NRXN3: variants seen among roughly 807,000 people sequenced by gnomAD.
NRXN3 encodes neurexin 3, also known as neurexin III.
In NRXN3, 32 loss-of-function variants were observed where a neutral mutation model predicts 137.6. The ratio of observed to expected loss-of-function variants is 0.23; its 90% CI spans 0.18 to 0.31. The LOEUF (loss-of-function observed/expected upper bound fraction) is 0.31. NRXN3 is among the 10% of genes least tolerant of loss of function. The pLI is 1.00. For synonymous variants in NRXN3, 798 were observed against 784.5 expected (o/e 1.02, Z -0.29); for missense variants, 1,574 against 2,062.5 (o/e 0.76, Z 4.59).
intron 15 of NRXN3, among the ~76,000 whole-genome samples, chr14:79,114,287 G>A (rs989201308): frequency 3.9e-5 from 6 of 152,106 alleles, no homozygotes; most frequent in South Asian, 2.1e-4. Context: ...AGTATTATTC[G>A]TCTCAATATG....
At chr14:78,431,157 T>C (rs939542682) in intron 4 of NRXN3, among the ~76,000 whole-genome samples, 1 of 152,238 alleles carries the variant, frequency 6.6e-6, no homozygotes, top group Non-Finnish European at 1.5e-5. Context: ...GCAGCCTGTG[T>C]ATTTCCCCTA....
chr14:78,717,614 T>C (rs2098440148), intron 8 of NRXN3, among the ~76,000 whole-genome samples: 1 of 152,160 alleles, frequency 6.6e-6, no homozygotes, highest in Non-Finnish European at 1.5e-5. Context: ...ACATTGTTTT[T>C]CTTTATGGAA....
intron 19 of NRXN3, among the ~76,000 whole-genome samples, chr14:79,717,399 A>C (rs937981555): frequency 3.3e-5 from 5 of 152,194 alleles, no homozygotes; most frequent in Admixed American, 3.3e-4. Context: ...AATTCTTTCA[A>C]ACTTCCTTGT....
intron 15 of NRXN3, among the ~76,000 whole-genome samples, chr14:79,141,352 C>A (rs1392987582): frequency 7.2e-5 from 11 of 152,176 alleles, no homozygotes; most frequent in Non-Finnish European, 1.5e-5. Context: ...ATCTATCATC[C>A]TTAATGTCAC....
At chr14:78,220,931 G>A (rs1252903050) in intron 1 of NRXN3, among the ~76,000 whole-genome samples, 1 of 152,110 alleles carries the variant, frequency 6.6e-6, no homozygotes, top group East Asian at 1.9e-4. Context: ...AAGGGGAAAA[G>A]GGTTTAGAAG....
intron 16 of NRXN3, among the ~76,000 whole-genome samples, chr14:79,556,121 AG>A (rs1396786115): frequency 1.3e-5 from 2 of 152,128 alleles, no homozygotes; most frequent in African/African-American, 2.4e-5. Flanking sequence ...CAAGGAGGAG[AG>A]GAAAATGCAT....
chr14:79,648,442 T>G (rs1483875473), intron 16 of NRXN3, among the ~76,000 whole-genome samples: 1 of 135,568 alleles, frequency 7.4e-6, no homozygotes, highest in Non-Finnish European at 1.7e-5. Flanking sequence ...TGTTGAAAAC[T>G]AATTCACATA....
intron 15 of NRXN3, among the ~76,000 whole-genome samples, chr14:79,346,237 T>C (rs1313168592): frequency 1.3e-5 from 2 of 152,060 alleles, no homozygotes; most frequent in Non-Finnish European, 2.9e-5. Context: ...CTGACCAACA[T>C]AGTGAAACCC....
chr14:79,058,631 A>G (rs904095361), intron 15 of NRXN3, among the ~76,000 whole-genome samples: 15 of 152,258 alleles, frequency 9.9e-5, no homozygotes, highest in African/African-American at 3.6e-4. Flanking sequence ...TGCTGTTGTC[A>G]TAACTGTCAT....
chr14:79,749,449 T>C (rs2098990326), intron 19 of NRXN3, among the ~76,000 whole-genome samples: 4 of 148,574 alleles, frequency 2.7e-5, no homozygotes, highest in Admixed American at 1.3e-4. Flanking sequence ...TTTTTTTTTG[T>C]AGTGACAGGG....
intron 15 of NRXN3, among the ~76,000 whole-genome samples, chr14:79,011,097 G>A (rs970524857): frequency 1.3e-5 from 2 of 151,988 alleles, no homozygotes; most frequent in Non-Finnish European, 2.9e-5. Context: ...CTCTATTTAC[G>A]TAGAGGTCTC....
chr14:79,401,458 T>G (rs561670794), intron 15 of NRXN3, among the ~76,000 whole-genome samples: 86 of 152,280 alleles, frequency 5.6e-4, no homozygotes, highest in Non-Finnish European at 1.0e-3. Flanking sequence ...GGGCCTGTAA[T>G]CTGTGTTTTA....
chr14:78,378,918 T>A (rs750555863), intron 4 of NRXN3, among the ~76,000 whole-genome samples: 22 of 151,736 alleles, frequency 1.4e-4, no homozygotes, highest in Non-Finnish European at 2.8e-4. Flanking sequence ...AAATTGCCAA[T>A]ATCAAAAATG....
Position 78,855,282 on chromosome 14 carries a change from G to A in NRXN3, c.2275+44938G>A, listed in dbSNP as rs112645662. ...TTTCTACCAGAAGATTCGAAGTTTT[G>A]TAGAGACAAATGTTTATGACATTAT... On this transcript the variant is annotated intron_variant, in intron 10 of 20. Coordinates refer to ENST00000335750, the MANE Select transcript of NRXN3 (RefSeq NM_001330195.2). 5.0e-3 allele frequency among the ~76,000 whole-genome samples: 767 copies of A among 152,132 alleles called. 5 individuals carry two copies. The highest frequency in any genetic ancestry group is 0.017 in the Middle Eastern group (5 of 292).
intron 4 of NRXN3, among the ~76,000 whole-genome samples, chr14:78,619,493 C>A (rs914654391): frequency 1.3e-5 from 2 of 152,108 alleles, no homozygotes; most frequent in Non-Finnish European, 2.9e-5. Context: ...CCACCCGAAT[C>A]TCATCTTGAA....
At position 78,646,581 on chromosome 14, in the gene NRXN3, C is replaced by T. The variant is rs141597948; in HGVS notation, c.1059+1160C>T. 6.1e-3 allele frequency among the ~76,000 whole-genome samples: 935 copies of T among 152,248 alleles called. 3 individuals are homozygous for T. Among genetic ancestry groups the T allele is most frequent in the Non-Finnish European group, 0.01 (687 of 68,020 alleles). On this transcript the variant is annotated intron_variant, in intron 5 of 20. Coordinates refer to ENST00000335750, the MANE Select transcript of NRXN3 (RefSeq NM_001330195.2). ...TGTTTGATAAAAGTGTAACTCCTTA[C>T]GAATACTAAACAAATGGTATAGGCT... is the stretch of plus-strand genomic sequence containing the variant.
At chr14:78,181,621 C>T (rs956345120) in intron 1 of NRXN3, among the ~76,000 whole-genome samples, 7 of 152,056 alleles carry the variant, frequency 4.6e-5, no homozygotes, top group East Asian at 1.9e-4. Flanking sequence ...CTTAGAAATT[C>T]GGCAGACTGC....
chr14:78,404,816 G>T (rs148167521), intron 4 of NRXN3, among the ~76,000 whole-genome samples: 49 of 152,282 alleles, frequency 3.2e-4, no homozygotes, highest in African/African-American at 1.1e-3. Flanking sequence ...ATGTTGATTG[G>T]TAGATAATTA....
Position 79,384,465 on chromosome 14 carries a change from T to C in NRXN3, c.3263-82756T>C, listed in dbSNP as rs575842492. Among the ~76,000 whole-genome samples the C allele has an allele frequency of 5.9e-5, 9 of 152,306 alleles. No homozygotes were observed. In the South Asian group the frequency reaches 1.9e-3, roughly 32 times the overall value. The stretch of plus-strand genomic sequence containing the variant: ...AAATGTGCCTTTGGCACTGTTCTTT[T>C]GAATTAGGAAATACAGAAAAACAGT... On this transcript the variant is annotated intron_variant, in intron 15 of 20. Coordinates refer to ENST00000335750, the MANE Select transcript of NRXN3 (RefSeq NM_001330195.2).
Sources: gnomAD v4.1 joint callset for allele counts (sites outside exome capture counted in the v4.1 genomes callset) on GRCh38, gnomAD v4.1.1 for gene constraint, MANE v1.5 for transcripts, NCBI Gene and HGNC (gene_info 2026-07-23, HGNC 2026-07-21) for gene names.